Variants in MACROD2 observed in about 807,000 individuals in gnomAD.
MACROD2 encodes the protein mono-ADP ribosylhydrolase 2.
A neutral mutation model predicts 70.4 loss-of-function variants in MACROD2; 36 were observed. That is an observed-to-expected ratio of 0.51 (90% confidence interval 0.39 to 0.68). The LOEUF is 0.68. Ranked by LOEUF, MACROD2 falls within the 30% of genes least tolerant of loss-of-function variation. The pLI is 0.00. For synonymous variants in MACROD2, 172 were observed against 178.8 expected (o/e 0.96, Z 0.30); for missense variants, 496 against 538.4 (o/e 0.92, Z 0.78).
intron 2 of MACROD2, among the ~76,000 whole-genome samples, chr20:14,042,915 T>TA (rs1311925256): frequency 4.9e-5 from 7 of 143,592 alleles, no homozygotes; most frequent in African/African-American, 1.3e-4. Context: ...ACCCAGGTGG[T>TA]GGGTTTTTTT....
At chr20:14,408,538 G>A (rs912194658) in intron 3 of MACROD2, among the ~76,000 whole-genome samples, 3 of 152,044 alleles carry the variant, frequency 2.0e-5, no homozygotes, top group Non-Finnish European at 2.9e-5. Flanking sequence ...AATTTTCAGC[G>A]AACATGTTTT....
intron 5 of MACROD2, among the ~76,000 whole-genome samples, chr20:14,891,554 C>T (rs76039785): frequency 0.026 from 3,955 of 152,160 alleles, 148 homozygotes; most frequent in African/African-American, 0.088. Context: ...TGTACATAGT[C>T]GGTATGCAAT....
At chr20:15,292,449 A>G (rs773872052) in intron 6 of MACROD2, among the ~76,000 whole-genome samples, 1 of 152,194 alleles carries the variant, frequency 6.6e-6, no homozygotes, top group African/African-American at 2.4e-5. Flanking sequence ...AGCTTTTGCA[A>G]TGCTTTCCAA....
intron 5 of MACROD2, among the ~76,000 whole-genome samples, chr20:14,759,093 T>A (rs1300471605): frequency 6.6e-6 from 1 of 152,152 alleles, no homozygotes; most frequent in Non-Finnish European, 1.5e-5. Flanking sequence ...TGAGGTAGAT[T>A]ATTAATTCAT....
At chr20:14,887,600 C>A in intron 5 of MACROD2, among the ~76,000 whole-genome samples, 1 of 151,880 alleles carries the variant, frequency 6.6e-6, no homozygotes. Flanking sequence ...GTTGCCCAGG[C>A]TGGTCTCAAA....
At chr20:14,718,502 TAC>T (rs1244040953) in intron 5 of MACROD2, among the ~76,000 whole-genome samples, 2 of 152,072 alleles carry the variant, frequency 1.3e-5, no homozygotes, top group African/African-American at 4.8e-5. Context: ...AACACTCATA[TAC>T]AGTGTGTTTC....
In MACROD2 at chr20:15,231,169, A is replaced by G. The variant is rs35155489; in HGVS notation, c.540+1108A>G. 3.2e-3 allele frequency among the ~76,000 whole-genome samples: 483 copies of G among 152,190 alleles called. 1 individual carries two copies. Among genetic ancestry groups the G allele is most frequent in the Admixed American group, 4.8e-3 (73 of 15,302 alleles). Reference sequence around the variant, plus strand: ...TAAGGAAACTTTTCATGACCTAATTATATAGCCCTTTTTAATCTTTGGATA... The same window carrying G: ...TAAGGAAACTTTTCATGACCTAATTGTATAGCCCTTTTTAATCTTTGGATA... On this transcript the variant is annotated intron_variant, in intron 6 of 17. Coordinates refer to ENST00000684519, the MANE Select transcript of MACROD2 (RefSeq NM_001351661.2).
At chr20:14,950,095 T>C (rs1379295967) in intron 5 of MACROD2, among the ~76,000 whole-genome samples, 3 of 152,158 alleles carry the variant, frequency 2.0e-5, no homozygotes, top group Admixed American at 6.5e-5. Flanking sequence ...GTAAGAGACA[T>C]ACTGGCTGCT....
chr20:15,049,941 C>T (rs554753535), intron 5 of MACROD2, among the ~76,000 whole-genome samples: 1 of 147,718 alleles, frequency 6.8e-6, no homozygotes, highest in African/African-American at 2.5e-5. Flanking sequence ...GAGTGAGACT[C>T]TGTCTCAGGA....
chr20:14,120,564 C>T (rs991804985), intron 3 of MACROD2, among the ~76,000 whole-genome samples: 3 of 151,784 alleles, frequency 2.0e-5, no homozygotes, highest in Non-Finnish European at 2.9e-5. Context: ...TATAAAGACA[C>T]ATGCATGTGT....
intron 5 of MACROD2, among the ~76,000 whole-genome samples, chr20:14,823,743 C>T (rs1600700093): frequency 6.6e-6 from 1 of 152,176 alleles, no homozygotes. Flanking sequence ...GGGTGTAATA[C>T]CATCCCAAAT....
In MACROD2 at chr20:14,243,075, G is replaced by A. The variant is rs73090739; in HGVS notation, c.271+157347G>A. 5.0e-3 allele frequency among the ~76,000 whole-genome samples: 761 copies of A among 152,132 alleles called. 3 individuals are homozygous for A. The highest frequency in any genetic ancestry group is 7.5e-3 in the Non-Finnish European group (508 of 67,984). On this transcript the variant is annotated intron_variant, in intron 3 of 17. Transcript: ENST00000684519. ...GTTATTGTATGTTTTGGCTCATCAT[G>A]GGCCCTCTTTGGAGATATGCTTGAG... is the stretch of plus-strand genomic sequence containing the variant.
chr20:14,918,004 G>A (rs569690827), intron 5 of MACROD2, among the ~76,000 whole-genome samples: 2 of 152,170 alleles, frequency 1.3e-5, no homozygotes, highest in African/African-American at 4.8e-5. Flanking sequence ...ACAGGCTCTC[G>A]CTCTGTTGCC....
intron 3 of MACROD2, among the ~76,000 whole-genome samples, chr20:14,204,114 G>A (rs116982173): frequency 9.5e-4 from 145 of 152,288 alleles, no homozygotes; most frequent in Non-Finnish European, 1.6e-3. Context: ...CTTCCTGAAG[G>A]TGCATGGCAG....
intron 7 of MACROD2, among the ~76,000 whole-genome samples, chr20:15,488,030 TAA>T (rs2047183705): frequency 6.6e-6 from 1 of 152,112 alleles, no homozygotes; most frequent in African/African-American, 2.4e-5. Context: ...GTAACAAAGC[TAA>T]GAGACCCTGT....
At chr20:15,360,933 G>C (rs2078344625) in intron 6 of MACROD2, among the ~76,000 whole-genome samples, 1 of 150,730 alleles carries the variant, frequency 6.6e-6, no homozygotes, top group Non-Finnish European at 1.5e-5. Flanking sequence ...TGAGTTTCAA[G>C]AGTTCTTTTT....
chr20:14,020,984 ATTC>A (rs2053068887), intron 2 of MACROD2, among the ~76,000 whole-genome samples: 1 of 120,788 alleles, frequency 8.3e-6, no homozygotes, highest in Non-Finnish European at 1.7e-5. Flanking sequence ...GCTTTTGAAT[ATTC>A]TTTTTTTTTT....
intron 6 of MACROD2, among the ~76,000 whole-genome samples, chr20:15,308,456 G>A (rs973740854): frequency 2.0e-5 from 3 of 152,002 alleles, no homozygotes; most frequent in Non-Finnish European, 2.9e-5. Flanking sequence ...ATTTATTACC[G>A]AGATTAAGAG....
intron 6 of MACROD2, among the ~76,000 whole-genome samples, chr20:15,363,508 T>G (rs1600296659): frequency 6.6e-6 from 1 of 152,184 alleles, no homozygotes; most frequent in African/African-American, 2.4e-5. Context: ...GGGAGGGCTT[T>G]CTCACTCCAT....
Sources: gnomAD v4.1 joint callset for allele counts (sites outside exome capture counted in the v4.1 genomes callset) on GRCh38, gnomAD v4.1.1 for gene constraint, MANE v1.5 for transcripts, NCBI Gene and HGNC (gene_info 2026-07-23, HGNC 2026-07-21) for gene names.